The following RHOBTB3 variants were observed in gnomAD, a reference collection of about 807,000 sequenced individuals.
RHOBTB3 encodes the protein Rho related BTB domain containing 3.
A neutral mutation model predicts 67.2 loss-of-function variants in RHOBTB3; 47 were observed. The observed-to-expected ratio is 0.70, with a 90% CI of 0.55 to 0.89. The LOEUF (loss-of-function observed/expected upper bound fraction) is 0.89. RHOBTB3 is among the 40% of genes least tolerant of loss of function. RHOBTB3 has a pLI of 0.00. For missense variants in RHOBTB3, 631 were observed against 750.0 expected (o/e 0.84, Z 1.85); for synonymous variants, 273 against 274.2 (o/e 1.00, Z 0.04).
chr5:95,783,756 G>T, intron 9 of RHOBTB3, 41 bp from the exon 10 acceptor site: 5 of 1,558,906 alleles, frequency 3.2e-6, no homozygotes, highest in Non-Finnish European at 4.4e-6. Context: ...TAAAGAAATG[G>T]TTTCATCATC....
chr5:95,731,055 G>T (rs781580327), upstream of RHOBTB3: 3 of 1,064,356 alleles, frequency 2.8e-6, no homozygotes, highest in Non-Finnish European at 3.6e-6. Context: ...TTACGGCCTT[G>T]CGAGTTGAAC....
At chr5:95,737,561 A>G (rs1165464035) in intron 3 of RHOBTB3, among the ~76,000 whole-genome samples, 1 of 152,198 alleles carries the variant, frequency 6.6e-6, no homozygotes, top group Non-Finnish European at 1.5e-5. Context: ...CATTGGGTTC[A>G]GGCTGCTTCA....
intron 2 of RHOBTB3, among the ~76,000 whole-genome samples, chr5:95,735,125 G>T (rs1035884243): frequency 6.6e-5 from 10 of 152,130 alleles, no homozygotes; most frequent in Non-Finnish European, 1.5e-4. Context: ...TGTGTGGTTT[G>T]GGATTTGGCA....
At chr5:95,790,613 G>A (rs1203341844) in intron 11 of RHOBTB3, among the ~76,000 whole-genome samples, 2 of 152,192 alleles carry the variant, frequency 1.3e-5, no homozygotes, top group East Asian at 1.9e-4. Context: ...GGCTAAGGAG[G>A]AAACGATGTG....
intron 3 of RHOBTB3, among the ~76,000 whole-genome samples, chr5:95,746,652 T>A (rs145533692): frequency 2.0e-5 from 3 of 152,324 alleles, no homozygotes; most frequent in African/African-American, 7.2e-5. Flanking sequence ...TATATTTTTA[T>A]TTTTCCTTTT....
intron 5 of RHOBTB3, among the ~76,000 whole-genome samples, chr5:95,754,405 T>G (rs1745184509): frequency 6.6e-6 from 1 of 152,030 alleles, no homozygotes; most frequent in South Asian, 2.1e-4. Flanking sequence ...GGGAGGAGGG[T>G]GGACTGGAAT....
At chr5:95,772,736 G>T (rs763598316) in intron 8 of RHOBTB3, among the ~76,000 whole-genome samples, 1 of 152,182 alleles carries the variant, frequency 6.6e-6, no homozygotes, top group Non-Finnish European at 1.5e-5. Flanking sequence ...CTAGAACTGT[G>T]ACTTGCCTTT....
At chr5:95,728,501 T>G (rs910226941), upstream of RHOBTB3, among the ~76,000 whole-genome samples, 5 of 152,258 alleles carry the variant, frequency 3.3e-5, no homozygotes, top group African/African-American at 1.2e-4. Context: ...CACAGATCTC[T>G]TCCTAACATT....
intron 11 of RHOBTB3, among the ~76,000 whole-genome samples, chr5:95,792,547 C>G (rs1746439453): frequency 6.6e-6 from 1 of 151,876 alleles, no homozygotes; most frequent in Non-Finnish European, 1.5e-5. Flanking sequence ...AATCCTAGCA[C>G]TTTGGGAGTC....
chr5:95,743,775 G>C (rs112566429), intron 3 of RHOBTB3, among the ~76,000 whole-genome samples: 166 of 136,822 alleles, frequency 1.2e-3, no homozygotes, highest in Non-Finnish European at 2.1e-3. Context: ...CAGTGGCACA[G>C]TCTCAGCTCA....
intron 3 of RHOBTB3, among the ~76,000 whole-genome samples, chr5:95,741,592 T>A (rs1755602713): frequency 7.6e-6 from 1 of 132,130 alleles, no homozygotes; most frequent in Non-Finnish European, 1.6e-5. Flanking sequence ...AACTCGGGCC[T>A]AAGCAATCCT....
chr5:95,729,670 G>A (rs141272359), upstream of RHOBTB3, among the ~76,000 whole-genome samples: 2 of 152,038 alleles, frequency 1.3e-5, no homozygotes, highest in Admixed American at 6.5e-5. Context: ...GTTGAACAAC[G>A]CCCCCTTTTC....
At chr5:95,785,325 C>G (rs1417329522) in intron 10 of RHOBTB3, among the ~76,000 whole-genome samples, 5 of 152,346 alleles carry the variant, frequency 3.3e-5, no homozygotes, top group South Asian at 2.1e-4. Flanking sequence ...GGCGTGGTGG[C>G]TTACGCCTGG....
chr5:95,744,608 A>G (rs1198501274), intron 3 of RHOBTB3, among the ~76,000 whole-genome samples: 1 of 152,160 alleles, frequency 6.6e-6, no homozygotes, highest in African/African-American at 2.4e-5. Context: ...GCCATACAAG[A>G]TGTAATTACA....
intron 6 of RHOBTB3, among the ~76,000 whole-genome samples, chr5:95,761,497 C>A (rs1052257162): frequency 9.9e-5 from 15 of 152,154 alleles, no homozygotes; most frequent in Non-Finnish European, 5.9e-5. Context: ...CAGACGCCAC[C>A]ATGCCCAGCT....
intron 3 of RHOBTB3, among the ~76,000 whole-genome samples, chr5:95,739,130 A>G (rs114135627): frequency 9.3e-4 from 141 of 152,310 alleles, no homozygotes; most frequent in African/African-American, 3.2e-3. Context: ...ACATATCACC[A>G]TAGACATCAT....
At chr5:95,761,793 A>C (rs7717280) in intron 6 of RHOBTB3, among the ~76,000 whole-genome samples, 83,209 of 151,940 alleles carry the variant, frequency 0.55, 23,439 homozygotes, top group Admixed American at 0.61. Flanking sequence ...GAGTAATTTT[A>C]TTGATCTGGG....
At chr5:95,765,170 C>T (rs1422345739) in intron 7 of RHOBTB3, among the ~76,000 whole-genome samples, 1 of 152,130 alleles carries the variant, frequency 6.6e-6, no homozygotes, top group East Asian at 1.9e-4. Flanking sequence ...TTCTCTCCCT[C>T]TCTCTCCAGT....
intron 7 of RHOBTB3, among the ~76,000 whole-genome samples, chr5:95,766,871 G>A (rs1039653171): frequency 6.6e-6 from 1 of 152,164 alleles, no homozygotes; most frequent in African/African-American, 2.4e-5. Context: ...AGGTTCTAGT[G>A]GGCTCTGCTG....
Sources: allele counts gnomAD v4.1 joint callset (sites outside exome capture counted in the v4.1 genomes callset), GRCh38; gene constraint gnomAD v4.1.1; transcripts MANE v1.5; gene names NCBI Gene and HGNC (gene_info 2026-07-23, HGNC 2026-07-21).